The following THSD4 variants were observed in gnomAD, a reference collection of about 807,000 sequenced individuals.
THSD4 encodes the protein thrombospondin type-1 domain-containing protein 4.
A neutral mutation model predicts 119.0 loss-of-function variants in THSD4; 69 were observed. The observed-to-expected ratio is 0.58, with a 90% CI of 0.48 to 0.71. The LOEUF is 0.71. Ranked by LOEUF, THSD4 falls within the 30% of genes least tolerant of loss-of-function variation. The probability of loss-of-function intolerance (pLI) is 0.00; values close to 1 mark genes in which losing one functional copy is unlikely to be tolerated. For synonymous variants in THSD4, 524 were observed against 540.4 expected (o/e 0.97, Z 0.42); for missense variants, 1,393 against 1,391.1 (o/e 1.00, Z -0.02).
At chr15:71,638,351 A>G (rs2050790825) in intron 7 of THSD4, among the ~76,000 whole-genome samples, 1 of 152,226 alleles carries the variant, frequency 6.6e-6, no homozygotes. Flanking sequence ...TGTGTGACAC[A>G]TAAAAATTGT....
intron 7 of THSD4, among the ~76,000 whole-genome samples, chr15:71,498,179 A>G (rs1211235323): frequency 6.6e-6 from 1 of 152,126 alleles, no homozygotes; most frequent in African/African-American, 2.4e-5. Context: ...AAATTTTGTA[A>G]CACTTTCTAA....
intron 7 of THSD4, among the ~76,000 whole-genome samples, chr15:71,639,836 CAAAAA>C (rs56797617): frequency 1.8e-4 from 26 of 140,610 alleles, no homozygotes; most frequent in Middle Eastern, 3.6e-3. Flanking sequence ...TTTTATTTAG[CAAAAA>C]AAAAAAAAAG....
At position 71,403,194 on chromosome 15, in the gene THSD4, G is replaced by A. The variant is rs144124654; in HGVS notation, c.1016-8493G>A. Reference sequence around the variant, plus strand: ...ATATTCTATCTCCTGGATCCCACACGTTCTACTTTCTTGTTTTACTCCTTT... The same window carrying A: ...ATATTCTATCTCCTGGATCCCACACATTCTACTTTCTTGTTTTACTCCTTT... On this transcript the variant is annotated intron_variant, in intron 6 of 17. Transcript: ENST00000261862. Among the ~76,000 whole-genome samples, 14 of 152,064 alleles carry A rather than the reference G, an allele frequency of 9.2e-5. No individual in the cohort carries two copies. The East Asian group carries it at 1.9e-3, about 21-fold the overall frequency.
In THSD4 at chr15:71,282,966, A is replaced by AT. The variant is rs573742429; in HGVS notation, c.1015+26272dup. Among the ~76,000 whole-genome samples the AT allele has an allele frequency of 9.2e-3, 1,209 of 130,952 alleles. 14 individuals carry two copies. Among genetic ancestry groups the AT allele is most frequent in the Middle Eastern group, 0.024 (6 of 250 alleles). The allele number at this position is 130,952 out of a possible 152,430, so 85.9% of individuals were successfully genotyped here. ...TTGACCTGTGAGGTGGGCAGGTTAG[A>AT]TTTTTTTTTTTTTTTTTTTTTGAGA... is the stretch of plus-strand genomic sequence containing the variant. On this transcript the variant is annotated intron_variant, in intron 6 of 17. Coordinates refer to ENST00000261862, the MANE Select transcript of THSD4 (RefSeq NM_024817.3).
intron 11 of THSD4, among the ~76,000 whole-genome samples, chr15:71,740,074 T>C (rs1380371871): frequency 6.6e-6 from 1 of 152,306 alleles, no homozygotes; most frequent in East Asian, 1.9e-4. Flanking sequence ...ATTTGGTAAC[T>C]GGAGTGTTGA....
chr15:71,220,593 A>G (rs1414850323), intron 4 of THSD4, among the ~76,000 whole-genome samples: 2 of 152,188 alleles, frequency 1.3e-5, no homozygotes, highest in Non-Finnish European at 2.9e-5. Flanking sequence ...CATTAAATAC[A>G]TTCATATTGC....
chr15:71,515,940 A>G (rs1294954018), intron 7 of THSD4, among the ~76,000 whole-genome samples: 1 of 152,164 alleles, frequency 6.6e-6, no homozygotes, highest in Non-Finnish European at 1.5e-5. Context: ...CTCCCCTTGC[A>G]AGAGGACACA....
intron 10 of THSD4, among the ~76,000 whole-genome samples, chr15:71,736,541 G>A (rs1595903207): frequency 1.3e-5 from 2 of 148,912 alleles, no homozygotes; most frequent in South Asian, 4.3e-4. Flanking sequence ...CTTGCTCTCT[G>A]TCTCTCTCTC....
intron 8 of THSD4, among the ~76,000 whole-genome samples, chr15:71,665,067 A>G (rs1405671798): frequency 6.6e-6 from 1 of 152,228 alleles, no homozygotes; most frequent in Admixed American, 6.5e-5. Flanking sequence ...AGGAATCACC[A>G]CACTGCTTTC....
chr15:71,307,216 C>A (rs1200872214), intron 6 of THSD4, among the ~76,000 whole-genome samples: 1 of 152,160 alleles, frequency 6.6e-6, no homozygotes, highest in East Asian at 1.9e-4. Flanking sequence ...AAGGCTGGCT[C>A]AGTAAATATG....
chr15:71,411,695 A>G lies in THSD4; in HGVS notation c.1024A>G (p.Asn342Asp). The change falls in exon 7 of 18, where the codon AAT becomes GAT. Residue 342 changes from asparagine to aspartate, a missense_variant. Coordinates refer to ENST00000261862, the MANE Select transcript of THSD4 (RefSeq NM_024817.3). Reference protein sequence around the residue: ...EWEPFAEVKGNRKCELNCQAM... With the variant: ...EWEPFAEVKGDRKCELNCQAM... Reference sequence around the variant, plus strand: ...TCATTTTACTTTGGTAGTAAAAGGCAATCGCAAATGTGAGTTGAACTGCCA... The same window carrying G: ...TCATTTTACTTTGGTAGTAAAAGGCGATCGCAAATGTGAGTTGAACTGCCA... The G allele has an allele frequency of 1.2e-6, 2 of 1,613,958 alleles. No individual in the cohort carries two copies. Among genetic ancestry groups the G allele is most frequent in the Non-Finnish European group, 1.7e-6 (2 of 1,179,926 alleles).
rs540483179 is a variant in THSD4, at chr15:71,779,700, AT to A, written c.*2327del. ...TGTCTCTTTATGTCTAAAGTGCCCT[AT>A]GGCTGCTGAAGGTTACCTAACCATT... On this transcript the variant is annotated 3_prime_UTR_variant, in exon 18 of 18. Coordinates refer to ENST00000261862, the MANE Select transcript of THSD4 (RefSeq NM_024817.3). The A allele has an allele frequency of 1.2e-3, 180 of 152,296 alleles. No homozygotes were observed. The highest frequency in any genetic ancestry group is 4.2e-3 in the African/African-American group (175 of 41,572). The allele number at this position is 152,296 out of a possible 1,614,324, so 9.4% of individuals were successfully genotyped here.
At chr15:71,540,470 C>A (rs1212353645) in intron 7 of THSD4, among the ~76,000 whole-genome samples, 1 of 137,558 alleles carries the variant, frequency 7.3e-6, no homozygotes, top group Non-Finnish European at 1.6e-5. Flanking sequence ...TCTCTGTCAC[C>A]CAGGCTGGAG....
chr15:71,157,354 C>T (rs2040788594), intron 3 of THSD4, among the ~76,000 whole-genome samples: 1 of 152,070 alleles, frequency 6.6e-6, no homozygotes, highest in Non-Finnish European at 1.5e-5. Flanking sequence ...CATATTTATG[C>T]ATACAATTTG....
chr15:71,713,778 G>T (rs1323060086), intron 8 of THSD4, among the ~76,000 whole-genome samples: 2 of 152,028 alleles, frequency 1.3e-5, no homozygotes, highest in African/African-American at 2.4e-5. Context: ...TTAAATAATA[G>T]ATTAGAAATG....
At chr15:71,720,007 G>A (rs1293589908) in intron 8 of THSD4, among the ~76,000 whole-genome samples, 1 of 144,520 alleles carries the variant, frequency 6.9e-6, no homozygotes, top group African/African-American at 2.6e-5. Flanking sequence ...CAAATTTGCT[G>A]TGTAATAACA....
At chr15:71,196,341 C>T (rs753017705) in intron 3 of THSD4, among the ~76,000 whole-genome samples, 1 of 152,128 alleles carries the variant, frequency 6.6e-6, no homozygotes, top group Non-Finnish European at 1.5e-5. Context: ...ACAGAACCAG[C>T]GTTTGAACTC....
At chr15:71,424,962 G>C (rs922404161) in intron 7 of THSD4, among the ~76,000 whole-genome samples, 4 of 152,064 alleles carry the variant, frequency 2.6e-5, no homozygotes, top group Non-Finnish European at 5.9e-5. Context: ...GAAATCTCAG[G>C]CTTCCAGACT....
intron 5 of THSD4, among the ~76,000 whole-genome samples, chr15:71,243,301 C>G (rs1378773262): frequency 1.3e-5 from 2 of 151,372 alleles, no homozygotes; most frequent in East Asian, 3.9e-4. Context: ...GCTTTAGTAA[C>G]TTATACATTG....
Sources: allele counts gnomAD v4.1 joint callset (sites outside exome capture counted in the v4.1 genomes callset), GRCh38; gene constraint gnomAD v4.1.1; transcripts MANE v1.5; gene names NCBI Gene and HGNC (gene_info 2026-07-23, HGNC 2026-07-21).